DAB1: variants seen among roughly 807,000 people sequenced by gnomAD.
DAB1 encodes the protein disabled homolog 1.
DAB1 carries 15 observed loss-of-function variants against 64.6 expected under a neutral mutation model. The ratio of observed to expected loss-of-function variants is 0.23; its 90% CI spans 0.16 to 0.36. The LOEUF is 0.36. Among genes scored for constraint, DAB1 ranks in the 10% least tolerant of loss-of-function variants. The probability of loss-of-function intolerance (pLI) is 1.00; values close to 1 mark genes in which losing one functional copy is unlikely to be tolerated. For synonymous variants in DAB1, 235 were observed against 251.9 expected, an observed-to-expected ratio of 0.93 and a Z score of 0.64; for missense variants, 596 against 706.7, an observed-to-expected ratio of 0.84 and a Z score of 1.78.
intron 7 of DAB1, among the ~76,000 whole-genome samples, chr1:57,646,752 A>G (rs1428486315): frequency 6.6e-6 from 1 of 152,148 alleles, no homozygotes; most frequent in African/African-American, 2.4e-5. Context: ...CCATCTCAAA[A>G]AACAAAACAG....
intron 3 of DAB1, among the ~76,000 whole-genome samples, chr1:58,483,468 G>A (rs1242595900): frequency 6.6e-6 from 1 of 152,198 alleles, no homozygotes; most frequent in Non-Finnish European, 1.5e-5. Flanking sequence ...TAGGCTCTGA[G>A]TTACCAAGGT....
chr1:58,437,906 T>C (rs898374139), intron 3 of DAB1, among the ~76,000 whole-genome samples: 4 of 152,120 alleles, frequency 2.6e-5, no homozygotes, highest in Non-Finnish European at 5.9e-5. Flanking sequence ...TGGAGACAGT[T>C]CTGTGGGTGG....
intron 4 of DAB1, among the ~76,000 whole-genome samples, chr1:58,272,524 G>C (rs1661330098): frequency 1.5e-5 from 2 of 129,154 alleles, no homozygotes; most frequent in East Asian, 4.8e-4. Context: ...GGAGAGTTCT[G>C]TAGATGTCTA....
intron 4 of DAB1, among the ~76,000 whole-genome samples, chr1:57,105,529 G>A (rs1570700631): frequency 6.6e-6 from 1 of 152,126 alleles, no homozygotes; most frequent in Admixed American, 6.5e-5. Context: ...TTAAAGCAAT[G>A]TAGCCAATTT....
intron 1 of DAB1, among the ~76,000 whole-genome samples, chr1:57,418,615 G>C (rs544614481): frequency 9.9e-5 from 15 of 152,138 alleles, no homozygotes; most frequent in African/African-American, 3.6e-4. Context: ...TAAACAGCCC[G>C]CCTTCACCAC....
chr1:57,882,611 T>C lies in DAB1; in HGVS notation n.87+1388A>G, dbSNP rs75826274. On this transcript the variant is annotated intron_variant and non_coding_transcript_variant, in intron 1 of 1. Transcript: ENST00000477280. ...GGCCTTTAATAAACCCTCTACAAAATTGTCTAATAACATAAGTAGTGAAAA... is the reference window on the plus strand; with the variant it reads ...GGCCTTTAATAAACCCTCTACAAAACTGTCTAATAACATAAGTAGTGAAAA... 9.2e-3 allele frequency among the ~76,000 whole-genome samples: 1,397 copies of C among 152,248 alleles called. 21 individuals are homozygous for C. The highest frequency in any genetic ancestry group is 0.032 in the African/African-American group (1,342 of 41,524).
intron 3 of DAB1, among the ~76,000 whole-genome samples, chr1:57,137,888 G>C (rs567811781): frequency 6.6e-6 from 1 of 152,168 alleles, no homozygotes; most frequent in South Asian, 2.1e-4. Flanking sequence ...TTGGGTATTG[G>C]AAATATTCTG....
At position 57,773,341 on chromosome 1, in the gene DAB1, G is replaced by GTA. The variant is rs745508053; in HGVS notation, n.551+110656_551+110657dup. ...TTATTTATCTTCTTGTTATTGAGTT[G>GTA]TATACACACACACACACACACACAC... On this transcript the variant is annotated intron_variant and non_coding_transcript_variant, in intron 6 of 20. Transcript: ENST00000485760. Among the ~76,000 whole-genome samples, 175 of 104,594 alleles carry GTA rather than the reference G, an allele frequency of 1.7e-3. 1 individual carries two copies. The highest frequency in any genetic ancestry group is 2.7e-3 in the Non-Finnish European group (133 of 49,726). 68.6% of individuals were successfully genotyped at this position (104,594 alleles called of 152,430 possible). A position where few individuals can be genotyped will look rare whatever the true frequency, so the allele number is the denominator to read the frequency against.
chr1:58,174,038 A>G (rs1656322391), intron 4 of DAB1, among the ~76,000 whole-genome samples: 1 of 152,146 alleles, frequency 6.6e-6, no homozygotes. Flanking sequence ...TCCTGACTCT[A>G]CAGTCCCAAA....
At chr1:58,488,592 C>T (rs1195802755) in intron 3 of DAB1, among the ~76,000 whole-genome samples, 1 of 152,210 alleles carries the variant, frequency 6.6e-6, no homozygotes, top group East Asian at 1.9e-4. Context: ...GCTGGGATTA[C>T]AGGCATGAGC....
chr1:58,049,042 C>T, intron 5 of DAB1: 1 of 784,314 alleles, frequency 1.3e-6, no homozygotes, highest in Non-Finnish European at 2.3e-6. Flanking sequence ...TCTGTTTCCA[C>T]AACTCTTCCA....
intron 7 of DAB1, among the ~76,000 whole-genome samples, chr1:57,484,002 G>C (rs78941320): frequency 0.033 from 5,056 of 152,206 alleles, 247 homozygotes; most frequent in African/African-American, 0.11. Context: ...AACCGTGAGG[G>C]TACAATGATA....
chr1:58,477,767 A>T (rs181253925), intron 3 of DAB1, among the ~76,000 whole-genome samples: 3 of 152,300 alleles, frequency 2.0e-5, no homozygotes, highest in Admixed American at 2.0e-4. Context: ...GATCCCCTGG[A>T]TTAAACTGTG....
intron 4 of DAB1, among the ~76,000 whole-genome samples, chr1:58,318,781 T>G (rs1202808228): frequency 6.6e-6 from 1 of 152,132 alleles, no homozygotes; most frequent in Non-Finnish European, 1.5e-5. Flanking sequence ...ACCTCGAAAT[T>G]TAAAAGCTGG....
intron 2 of DAB1, among the ~76,000 whole-genome samples, chr1:57,272,121 G>A (rs1671058808): frequency 6.6e-6 from 1 of 152,136 alleles, no homozygotes; most frequent in Non-Finnish European, 1.5e-5. Flanking sequence ...TCTAGTGCGG[G>A]GCTCCAAGCC....
intron 3 of DAB1, among the ~76,000 whole-genome samples, chr1:58,375,879 A>T (rs1644319502): frequency 6.9e-6 from 1 of 145,126 alleles, no homozygotes; most frequent in South Asian, 2.2e-4. Context: ...TGGTCTATTC[A>T]GAGATTCAAC....
intron 9 of DAB1, among the ~76,000 whole-genome samples, chr1:57,034,259 G>A (rs1647059923): frequency 7.8e-6 from 1 of 127,854 alleles, no homozygotes; most frequent in South Asian, 2.6e-4. Context: ...CAGCCTGGGT[G>A]ACAGAGCGGA....
In DAB1 at chr1:57,386,366, G is replaced by GAAA. The variant is rs5774342; in HGVS notation, c.-137+37561_-137+37563dup. Reference sequence around the variant, plus strand: ...TCTCTGCCTCACTTAGGCCCCTTGGGAAAAAAAAAAAAAAAAAAAAACCCG... The same window carrying GAAA: ...TCTCTGCCTCACTTAGGCCCCTTGGGAAAAAAAAAAAAAAAAAAAAAAAACCCG... On this transcript the variant is annotated intron_variant, in intron 1 of 14. Transcript: ENST00000371236. Among the ~76,000 whole-genome samples the GAAA allele has an allele frequency of 2.5e-3, 278 of 113,388 alleles. 1 individual carries two copies. Among genetic ancestry groups the GAAA allele is most frequent in the East Asian group, 7.5e-3 (23 of 3,058 alleles). The allele number at this position is 113,388 out of a possible 152,430, so 74.4% of individuals were successfully genotyped here.
chr1:58,221,262 T>C (rs953317736), intron 4 of DAB1, among the ~76,000 whole-genome samples: 1 of 152,152 alleles, frequency 6.6e-6, no homozygotes, highest in African/African-American at 2.4e-5. Context: ...CAGGGTCAAA[T>C]ATAGATTGCT....
Sources: allele counts gnomAD v4.1 joint callset (sites outside exome capture counted in the v4.1 genomes callset), GRCh38; gene constraint gnomAD v4.1.1; transcripts MANE v1.5; gene names NCBI Gene and HGNC (gene_info 2026-07-23, HGNC 2026-07-21).